RNF144B: variants seen among roughly 807,000 people sequenced by gnomAD.
RNF144B encodes E3 ubiquitin-protein ligase RNF144B.
Under a neutral mutation model 40.2 loss-of-function variants are expected in RNF144B, and 25 were observed. The ratio of observed to expected loss-of-function variants is 0.62; its 90% confidence interval spans 0.45 to 0.87. The LOEUF is 0.87. Ranked by LOEUF, RNF144B falls within the 40% of genes least tolerant of loss-of-function variation. The probability of loss-of-function intolerance (pLI) is 0.00; values close to 1 mark genes in which losing one functional copy is unlikely to be tolerated. For missense variants in RNF144B, 365 were observed against 373.7 expected, an observed-to-expected ratio of 0.98 and a Z score of 0.19; for synonymous variants, 145 against 136.3, an observed-to-expected ratio of 1.06 and a Z score of -0.44.
rs9368000 is a variant in RNF144B, at chr6:18,441,377, A to G, written c.331+1633A>G. On this transcript the variant is annotated intron_variant, in intron 4 of 7. Transcript: ENST00000259939. This position sits in a 1 kb window ranked among gnomAD's most constrained non-coding sequence, Gnocchi z 4.9. ...CAGGCTGCTGCTTAAATGGTGAGATATGACATATCAACCACGTCAGTCCTA... is the reference window on the plus strand; with the variant it reads ...CAGGCTGCTGCTTAAATGGTGAGATGTGACATATCAACCACGTCAGTCCTA... 0.16 allele frequency among the ~76,000 whole-genome samples: 23,654 copies of G among 152,106 alleles called. 1,949 individuals carry two copies. The highest frequency in any genetic ancestry group is 0.23 in the South Asian group (1,123 of 4,806).
intron 2 of RNF144B, among the ~76,000 whole-genome samples, chr6:18,409,624 G>C (rs1462478699): frequency 6.9e-6 from 1 of 145,380 alleles, no homozygotes; most frequent in African/African-American, 2.6e-5. Context: ...AGGCTGGAGT[G>C]CAATGGCACG....
intron 6 of RNF144B, among the ~76,000 whole-genome samples, chr6:18,462,362 A>G (rs1050254371): frequency 1.3e-5 from 2 of 152,100 alleles, no homozygotes; most frequent in Non-Finnish European, 2.9e-5. Context: ...TAACATCTTG[A>G]CCACTTCCAT....
chr6:18,400,812 G>A lies in RNF144B; in HGVS notation c.165+1113G>A, dbSNP rs1794789758. Among the ~76,000 whole-genome samples, 3 of 152,216 alleles carry A rather than the reference G, an allele frequency of 2.0e-5. No individual in the cohort carries two copies. The South Asian group carries it at 6.2e-4, about 31-fold the overall frequency. On this transcript the variant is annotated intron_variant, in intron 2 of 7. Coordinates refer to ENST00000259939, the MANE Select transcript of RNF144B (RefSeq NM_182757.4). This position sits in a 1 kb window ranked among gnomAD's most constrained non-coding sequence, Gnocchi z 5.6. ...ATATTCTATATAAGAACGTTGTGTA[G>A]GAGTTCAGGGCTTAGAGGATGTTGC...
At position 18,443,954 on chromosome 6, in the gene RNF144B, T is replaced by A. The variant is rs1432034968; in HGVS notation, c.331+4210T>A. Among the ~76,000 whole-genome samples the A allele has an allele frequency of 6.6e-6, 1 of 152,200 alleles. No homozygotes were observed. Among genetic ancestry groups the A allele is most frequent in the Non-Finnish European group, 1.5e-5 (1 of 68,034 alleles). On this transcript the variant is annotated intron_variant, in intron 4 of 7. Transcript: ENST00000259939. The surrounding 1 kb of genome is among the most constrained non-coding windows in gnomAD (Gnocchi z 4.7). ...GACTGTGAGACAGAATTGTAGAGAT[T>A]GCTGCTGCTCTGGAAAAACGTAGAA...
Position 18,410,029 on chromosome 6 carries a change from A to T in RNF144B, c.165+10330A>T, listed in dbSNP as rs1795002774. Among the ~76,000 whole-genome samples, 1 of 152,144 alleles carries T rather than the reference A, an allele frequency of 6.6e-6. No homozygotes were observed. The highest frequency in any genetic ancestry group is 6.5e-5 in the Admixed American group (1 of 15,270). On this transcript the variant is annotated intron_variant, in intron 2 of 7. Coordinates refer to ENST00000259939, the MANE Select transcript of RNF144B (RefSeq NM_182757.4). This position sits in a 1 kb window ranked among gnomAD's most constrained non-coding sequence, Gnocchi z 4.6. ...TGATCTGTGCTTGTATGTTGTGTAGACTTTTCCCCCCTTAAGCATGCCTTT... is the reference window on the plus strand; with the variant it reads ...TGATCTGTGCTTGTATGTTGTGTAGTCTTTTCCCCCCTTAAGCATGCCTTT...
In RNF144B at chr6:18,457,612, G is replaced by A. The variant is rs1415978161; in HGVS notation, c.536+253G>A. ...GAGTTTTGCTTTCTCTTTAGGTAGT[G>A]AGGCACCGTGGTCTACTGGTTCTCA... On this transcript the variant is annotated intron_variant, in intron 5 of 7. Transcript: ENST00000259939. The surrounding 1 kb of genome is among the most constrained non-coding windows in gnomAD (Gnocchi z 5.1). Among the ~76,000 whole-genome samples, 6 of 152,168 alleles carry A rather than the reference G, an allele frequency of 3.9e-5. No homozygotes were observed. The highest frequency in any genetic ancestry group is 1.5e-5 in the Non-Finnish European group (1 of 68,032).
In RNF144B at chr6:18,459,852, G is replaced by A. The variant is rs1438400053; in HGVS notation, c.681+101G>A. On this transcript the variant is annotated intron_variant, in intron 6 of 7. Transcript: ENST00000259939. The surrounding 1 kb of genome is among the most constrained non-coding windows in gnomAD (Gnocchi z 4.2). ...CCTTTAAAATATTGGGGCAATTTTT[G>A]TCCTGCAAAAGGAATTTATTTTTCT... The A allele has an allele frequency of 8.9e-7, 1 of 1,120,684 alleles. No individual in the cohort carries two copies. Among genetic ancestry groups the A allele is most frequent in the South Asian group, 1.9e-5 (1 of 53,900 alleles). 69.4% of individuals were successfully genotyped at this position (1,120,684 alleles called of 1,614,324 possible).
At chr6:18,407,652 C>T (rs1234692347) in intron 2 of RNF144B, among the ~76,000 whole-genome samples, 2 of 152,158 alleles carry the variant, frequency 1.3e-5, no homozygotes, top group Non-Finnish European at 2.9e-5. Context: ...TAACTATTAG[C>T]GTTACTTCCA....
At position 18,412,155 on chromosome 6, in the gene RNF144B, A is replaced by G. The variant is rs1795061034; in HGVS notation, c.165+12456A>G. 6.6e-6 allele frequency among the ~76,000 whole-genome samples: 1 copy of G among 152,214 alleles called. No individual in the cohort carries two copies. The highest frequency in any genetic ancestry group is 2.4e-5 in the African/African-American group (1 of 41,456). On this transcript the variant is annotated intron_variant, in intron 2 of 7. Coordinates refer to ENST00000259939, the MANE Select transcript of RNF144B (RefSeq NM_182757.4). This position sits in a 1 kb window ranked among gnomAD's most constrained non-coding sequence, Gnocchi z 4.2. Reference sequence around the variant, plus strand: ...TAACCAAAATAGATGTACATTTTAAATCAGTATGTGTTACCAAATTACTGT... The same window carrying G: ...TAACCAAAATAGATGTACATTTTAAGTCAGTATGTGTTACCAAATTACTGT...
chr6:18,414,384 C>T lies in RNF144B; in HGVS notation c.166-13197C>T, dbSNP rs1025446380. ...ATATCTTCTTGAGGAAACTGTTAAG[C>T]GTCACTCTTTCCCAACTTTTGGGTC... On this transcript the variant is annotated intron_variant, in intron 2 of 7. Transcript: ENST00000259939. This position sits in a 1 kb window ranked among gnomAD's most constrained non-coding sequence, Gnocchi z 4.9. 6.6e-6 allele frequency among the ~76,000 whole-genome samples: 1 copy of T among 151,972 alleles called. No homozygotes were observed. Among genetic ancestry groups the T allele is most frequent in the Non-Finnish European group, 1.5e-5 (1 of 67,994 alleles).
chr6:18,429,130 C>T (rs974585184), intron 3 of RNF144B, among the ~76,000 whole-genome samples: 1 of 151,892 alleles, frequency 6.6e-6, no homozygotes, highest in Non-Finnish European at 1.5e-5. Flanking sequence ...CCCTGAAGGT[C>T]AAGGCTCCAG....
At chr6:18,388,998 A>T (rs1399613129) in intron 1 of RNF144B, among the ~76,000 whole-genome samples, 1 of 152,142 alleles carries the variant, frequency 6.6e-6, no homozygotes, top group Non-Finnish European at 1.5e-5. Flanking sequence ...AACAAAACTC[A>T]ACCAAAAAAA....
At position 18,459,857 on chromosome 6, in the gene RNF144B, G is replaced by T; in HGVS notation, c.681+106G>T. On this transcript the variant is annotated intron_variant, in intron 6 of 7. Coordinates refer to ENST00000259939, the MANE Select transcript of RNF144B (RefSeq NM_182757.4). The surrounding 1 kb of genome is among the most constrained non-coding windows in gnomAD (Gnocchi z 4.2). ...AAAATATTGGGGCAATTTTTGTCCT[G>T]CAAAAGGAATTTATTTTTCTTAATG... 9.6e-7 allele frequency: 1 copy of T among 1,038,086 alleles called. No individual in the cohort carries two copies. The highest frequency in any genetic ancestry group is 1.9e-5 in the South Asian group (1 of 51,712). 64.3% of individuals were successfully genotyped at this position (1,038,086 alleles called of 1,614,324 possible).
intron 1 of RNF144B, chr6:18,396,687 G>T: frequency 3.0e-6 from 3 of 985,420 alleles, no homozygotes; most frequent in Non-Finnish European, 3.6e-6. Flanking sequence ...TGCATAAGCA[G>T]TGAAGCAGCG....
At chr6:18,431,828 A>T (rs905486789) in intron 3 of RNF144B, among the ~76,000 whole-genome samples, 1 of 152,230 alleles carries the variant, frequency 6.6e-6, no homozygotes, top group Non-Finnish European at 1.5e-5. Flanking sequence ...TCTAGCTTAC[A>T]GAGTTGGCTG....
intron 7 of RNF144B, among the ~76,000 whole-genome samples, chr6:18,463,978 C>T (rs1326381925): frequency 6.6e-6 from 1 of 152,096 alleles, no homozygotes; most frequent in Admixed American, 6.6e-5. Context: ...GAAACCACCC[C>T]CATGATTCAA....
intron 2 of RNF144B, among the ~76,000 whole-genome samples, chr6:18,403,491 C>T (rs1426623142): frequency 6.6e-6 from 1 of 152,092 alleles, no homozygotes; most frequent in Non-Finnish European, 1.5e-5. Flanking sequence ...GCCTTTTTTC[C>T]ATTACGTTCT....
At chr6:18,462,022 T>G (rs1161092983) in intron 6 of RNF144B, among the ~76,000 whole-genome samples, 1 of 152,220 alleles carries the variant, frequency 6.6e-6, no homozygotes, top group Non-Finnish European at 1.5e-5. Context: ...GTTATCTCTT[T>G]CCTCTCCTGT....
intron 2 of RNF144B, among the ~76,000 whole-genome samples, chr6:18,421,610 A>T (rs1758428274): frequency 6.6e-6 from 1 of 152,122 alleles, no homozygotes; most frequent in African/African-American, 2.4e-5. Flanking sequence ...AAGGGTTAGC[A>T]CGGACACTGG....
Sources: allele counts gnomAD v4.1 joint callset (sites outside exome capture counted in the v4.1 genomes callset), GRCh38; gene constraint gnomAD v4.1.1; non-coding constraint Gnocchi (gnomAD v3.1); transcripts MANE v1.5; gene names NCBI Gene and HGNC (gene_info 2026-07-23, HGNC 2026-07-21).